Variants in JAZF1 observed in about 807,000 individuals in gnomAD.
JAZF1 encodes JAZF zinc finger 1.
Under a neutral mutation model 26.4 loss-of-function variants are expected in JAZF1, and 8 were observed. The ratio of observed to expected loss-of-function variants is 0.30; its 90% CI spans 0.18 to 0.55. The LOEUF is 0.55. JAZF1 is among the 20% of genes least tolerant of loss of function. The probability of loss-of-function intolerance (pLI) is 0.94; values close to 1 mark genes in which losing one functional copy is unlikely to be tolerated. For missense variants in JAZF1, 199 were observed against 322.0 expected (o/e 0.62, Z 2.92); for synonymous variants, 126 against 122.3 (o/e 1.03, Z -0.20).
At chr7:27,982,103 T>C (rs1406674595) in intron 2 of JAZF1, among the ~76,000 whole-genome samples, 1 of 152,262 alleles carries the variant, frequency 6.6e-6, no homozygotes, top group African/African-American at 2.4e-5. Context: ...GGGTTCATCT[T>C]ACTGGGGCTT....
intron 2 of JAZF1, among the ~76,000 whole-genome samples, chr7:27,982,667 G>A (rs1424613013): frequency 1.3e-5 from 2 of 152,170 alleles, no homozygotes; most frequent in East Asian, 1.9e-4. Context: ...ATGGGTCCCT[G>A]ACCCCCGAGT....
chr7:27,957,000 C>T (rs1042062097), intron 2 of JAZF1, among the ~76,000 whole-genome samples: 1 of 152,190 alleles, frequency 6.6e-6, no homozygotes, highest in Non-Finnish European at 1.5e-5. Flanking sequence ...TGTGGTACCT[C>T]ATAAAGCCAT....
intron 2 of JAZF1, among the ~76,000 whole-genome samples, chr7:27,923,970 G>A (rs1037652550): frequency 1.3e-5 from 2 of 152,166 alleles, no homozygotes; most frequent in African/African-American, 4.8e-5. Context: ...AATTATGAGT[G>A]GGCCTTATAC....
chr7:28,107,560 A>C (rs1784571812), intron 1 of JAZF1, among the ~76,000 whole-genome samples: 1 of 152,212 alleles, frequency 6.6e-6, no homozygotes, highest in African/African-American at 2.4e-5. Flanking sequence ...TTCTCAAGCC[A>C]AAAATTACAC....
intron 2 of JAZF1, among the ~76,000 whole-genome samples, chr7:27,977,170 T>C (rs1031787107): frequency 6.6e-6 from 1 of 152,256 alleles, no homozygotes; most frequent in African/African-American, 2.4e-5. Flanking sequence ...CTTTCATGTT[T>C]AGTAATTTTT....
At chr7:28,121,716 T>C (rs1453264355) in intron 1 of JAZF1, among the ~76,000 whole-genome samples, 1 of 152,234 alleles carries the variant, frequency 6.6e-6, no homozygotes, top group African/African-American at 2.4e-5. Flanking sequence ...TACATTTCTC[T>C]GTGGGGCCTA....
chr7:28,021,245 G>A (rs1783002806), intron 1 of JAZF1, among the ~76,000 whole-genome samples: 1 of 152,212 alleles, frequency 6.6e-6, no homozygotes, highest in South Asian at 2.1e-4. Context: ...AGGATGAGCA[G>A]TGTGGGGCAA....
In JAZF1 at chr7:27,852,298, A is replaced by AT. The variant is rs914404043; in HGVS notation, c.386-11432dup. On this transcript the variant is annotated intron_variant, in intron 3 of 4. Transcript: ENST00000283928. ...AGACGTGCGCCCCAACACCTGGCTA[A>AT]TTTTTTTGTATTTTTAGTAGAGATG... Among the ~76,000 whole-genome samples, 26 of 151,714 alleles carry AT rather than the reference A, an allele frequency of 1.7e-4. No homozygotes were observed. In the East Asian group the frequency reaches 2.3e-3, roughly 14 times the overall value.
At chr7:28,171,718 T>C (rs1207659779) in intron 1 of JAZF1, among the ~76,000 whole-genome samples, 1 of 152,214 alleles carries the variant, frequency 6.6e-6, no homozygotes, top group Non-Finnish European at 1.5e-5. Context: ...ACTAAGTGTG[T>C]TATTTAACTA....
intron 1 of JAZF1, among the ~76,000 whole-genome samples, chr7:28,045,528 T>A (rs1448024564): frequency 6.7e-6 from 1 of 148,172 alleles, no homozygotes; most frequent in Non-Finnish European, 1.5e-5. Flanking sequence ...ATACACAGAA[T>A]TGTTAAAAGT....
At chr7:28,051,047 G>A (rs565594190) in intron 1 of JAZF1, among the ~76,000 whole-genome samples, 8 of 150,182 alleles carry the variant, frequency 5.3e-5, no homozygotes, top group East Asian at 4.0e-4. Flanking sequence ...CAGGAGAATC[G>A]CGTGAACCTG....
intron 1 of JAZF1, among the ~76,000 whole-genome samples, chr7:28,117,338 T>C (rs1583569573): frequency 6.6e-6 from 1 of 152,236 alleles, no homozygotes; most frequent in South Asian, 2.1e-4. Context: ...CTCAGCATTT[T>C]ATGCAGATAC....
chr7:28,164,938 G>A (rs1000172291), intron 1 of JAZF1, among the ~76,000 whole-genome samples: 1 of 152,154 alleles, frequency 6.6e-6, no homozygotes, highest in African/African-American at 2.4e-5. Flanking sequence ...GGAGGCCTAG[G>A]CGGAAGGATC....
intron 3 of JAZF1, among the ~76,000 whole-genome samples, chr7:27,887,108 G>A (rs889487467): frequency 1.1e-4 from 16 of 152,118 alleles, no homozygotes; most frequent in African/African-American, 3.9e-4. Flanking sequence ...TACATACTGG[G>A]GCCTTTCGGA....
rs369888517 is a variant in JAZF1, at chr7:28,052,819, CTT to C, written c.116-60840_116-60839del. The stretch of plus-strand genomic sequence containing the variant: ...AAACAGCGACAAGTATGGATACTGG[CTT>C]TTTTTTTTTCTGATTGTGGTAAAAA... On this transcript the variant is annotated intron_variant, in intron 1 of 4. Coordinates refer to ENST00000283928, the MANE Select transcript of JAZF1 (RefSeq NM_175061.4). Among the ~76,000 whole-genome samples the C allele has an allele frequency of 6.8e-5, 10 of 146,438 alleles. No individual in the cohort carries two copies. In the East Asian group the frequency reaches 1.6e-3, roughly 23 times the overall value.
rs539770705 is a variant in JAZF1, at chr7:27,840,113, C to G, written c.555+585G>C. 1.3e-5 allele frequency among the ~76,000 whole-genome samples: 2 copies of G among 152,306 alleles called. No individual in the cohort carries two copies. Among genetic ancestry groups the G allele is most frequent in the East Asian group, 3.9e-4 (2 of 5,174 alleles). On this transcript the variant is annotated intron_variant, in intron 4 of 4. Coordinates refer to ENST00000283928, the MANE Select transcript of JAZF1 (RefSeq NM_175061.4). The surrounding 1 kb of genome is among the most constrained non-coding windows in gnomAD (Gnocchi z 5.1). Reference sequence around the variant, plus strand: ...CCAGGCCCTCAGAGACCTGGGTCAGCAGACAGGCAGCTGAAGCTGAAGTGG... The same window carrying G: ...CCAGGCCCTCAGAGACCTGGGTCAGGAGACAGGCAGCTGAAGCTGAAGTGG...
chr7:28,148,747 T>C (rs1233369806), intron 1 of JAZF1, among the ~76,000 whole-genome samples: 1 of 152,232 alleles, frequency 6.6e-6, no homozygotes, highest in African/African-American at 2.4e-5. Flanking sequence ...GCATGGTTGC[T>C]GCACTCAATA....
Position 27,840,531 on chromosome 7 carries a change from G to C in JAZF1, c.555+167C>G, listed in dbSNP as rs73684070. 0.013 allele frequency among the ~76,000 whole-genome samples: 1,912 copies of C among 152,312 alleles called. 41 individuals carry two copies. The highest frequency in any genetic ancestry group is 0.044 in the African/African-American group (1,818 of 41,566). ...GGTGGCGGGTGAGCACTTCCTTGAGGGCACCTGTGTGCACACAGGGGTGAG... is the reference window on the plus strand; with the variant it reads ...GGTGGCGGGTGAGCACTTCCTTGAGCGCACCTGTGTGCACACAGGGGTGAG... On this transcript the variant is annotated intron_variant, in intron 4 of 4. Coordinates refer to ENST00000283928, the MANE Select transcript of JAZF1 (RefSeq NM_175061.4). This position sits in a 1 kb window ranked among gnomAD's most constrained non-coding sequence, Gnocchi z 5.1.
intron 2 of JAZF1, among the ~76,000 whole-genome samples, chr7:27,908,609 A>G (rs567781613): frequency 6.6e-6 from 1 of 152,254 alleles, no homozygotes; most frequent in African/African-American, 2.4e-5. Context: ...TGCTCAGGCT[A>G]AACTTTGAAA....
Sources: allele counts gnomAD v4.1 joint callset (sites outside exome capture counted in the v4.1 genomes callset), GRCh38; gene constraint gnomAD v4.1.1; non-coding constraint Gnocchi (gnomAD v3.1); transcripts MANE v1.5; gene names NCBI Gene and HGNC (gene_info 2026-07-23, HGNC 2026-07-21).